WDR17: variants seen among roughly 807,000 people sequenced by gnomAD.
WDR17 encodes the protein WD repeat-containing protein 17.
WDR17 carries 143 observed loss-of-function variants against 161.7 expected under a neutral mutation model. The observed-to-expected ratio is 0.88, with a 90% confidence interval of 0.77 to 1.02. The LOEUF is 1.02. Among genes scored for constraint, WDR17 ranks in the 50% least tolerant of loss-of-function variants. The pLI is 0.00. For synonymous variants in WDR17, 517 were observed against 515.6 expected, an observed-to-expected ratio of 1.00 and a Z score of -0.04; for missense variants, 1,469 against 1,520.9, an observed-to-expected ratio of 0.97 and a Z score of 0.57.
chr4:176,094,023 TA>T (rs1167140137), intron 1 of WDR17, among the ~76,000 whole-genome samples: 1 of 152,178 alleles, frequency 6.6e-6, no homozygotes, highest in Non-Finnish European at 1.5e-5. Flanking sequence ...ACACTGGACT[TA>T]TAATAGTATA....
Position 176,174,738 on chromosome 4 carries a change from C to G in WDR17, c.3449+20C>G. On this transcript the variant is annotated intron_variant, in intron 26 of 28. Coordinates refer to ENST00000508596, the MANE Select transcript of WDR17 (RefSeq NM_181265.4). ...CACAAGGTAAAAAAGGTTTTTTCCT[C>G]CATCATGACATTAGAGCAATTTCTC... The G allele has an allele frequency of 2.0e-6, 3 of 1,535,474 alleles. No homozygotes were observed. The highest frequency in any genetic ancestry group is 2.7e-6 in the Non-Finnish European group (3 of 1,117,532).
chr4:176,103,317 T>C (rs577282941), intron 1 of WDR17, among the ~76,000 whole-genome samples: 1 of 151,552 alleles, frequency 6.6e-6, no homozygotes, highest in Non-Finnish European at 1.5e-5. Flanking sequence ...AAACAATAAA[T>C]AAAAACAAAA....
Position 176,160,088 on chromosome 4 carries a change from T to A in WDR17, c.2620T>A (p.Ser874Thr). The A allele has an allele frequency of 6.2e-7, 1 of 1,613,968 alleles. No homozygotes were observed. Among genetic ancestry groups the A allele is most frequent in the Non-Finnish European group, 8.5e-7 (1 of 1,179,906 alleles). Residue 874 changes from serine to threonine, a missense_variant, in exon 19 of 29, where the codon TCA becomes ACA. By Grantham distance (58) the Ser-to-Thr change is moderately conservative. Transcript: ENST00000508596. Reference sequence around the variant, plus strand: ...GAAAAAGCTAGTCCATTTTTTCATGTCAAGAGGTCAGCTTAAAGAAGCTCT... The same window carrying A: ...GAAAAAGCTAGTCCATTTTTTCATGACAAGAGGTCAGCTTAAAGAAGCTCT... ...DVKKLVHFFM[S>T]RGQLKEALLV... is the part of the protein sequence containing the mutation.
intron 8 of WDR17, among the ~76,000 whole-genome samples, chr4:176,136,438 T>G (rs750872674): frequency 4.6e-5 from 7 of 151,680 alleles, no homozygotes; most frequent in Admixed American, 1.3e-4. Flanking sequence ...ATAAAACTTA[T>G]GACTGTAAAA....
Position 176,150,065 on chromosome 4 carries a change from T to G in WDR17, c.2070T>G (p.Thr690=). The stretch of plus-strand genomic sequence containing the variant: ...CAGATTATGCTATAGAACCAGGCAC[T>G]CCTCCTCTACTGTGTGGTAAAGTGT... ...GNTDYAIEPG[T]PPLLCGKVSR... The change falls in exon 15 of 29, where the codon ACT becomes ACG. Residue 690 remains threonine, a synonymous_variant. Coordinates refer to ENST00000508596, the MANE Select transcript of WDR17 (RefSeq NM_181265.4). The G allele has an allele frequency of 6.2e-7, 1 of 1,613,940 alleles. No homozygotes were observed. Among genetic ancestry groups the G allele is most frequent in the South Asian group, 1.1e-5 (1 of 91,016 alleles).
At chr4:176,084,118 T>A (rs1735117056) in intron 1 of WDR17, among the ~76,000 whole-genome samples, 1 of 152,138 alleles carries the variant, frequency 6.6e-6, no homozygotes, top group East Asian at 1.9e-4. Flanking sequence ...TTTAACAATG[T>A]CTTGATGAAT....
chr4:176,096,622 A>AT (rs767342418), intron 1 of WDR17: 72 of 1,515,120 alleles, frequency 4.8e-5, no homozygotes, highest in Admixed American at 9.6e-5. Context: ...ATTTCCTGCG[A>AT]TTTTTTTTCT....
In WDR17 at chr4:176,125,107, A is replaced by G; in HGVS notation, c.542A>G (p.Asn181Ser). 6.2e-7 allele frequency: 1 copy of G among 1,613,834 alleles called. No homozygotes were observed. Among genetic ancestry groups the G allele is most frequent in the Non-Finnish European group, 8.5e-7 (1 of 1,179,884 alleles). ...DGSLSIFHPGNKNQKHVLRPE... is the reference protein window; with the variant it reads ...DGSLSIFHPGSKNQKHVLRPE... ...AATTATCTCTGTATTTTAACAGGTA[A>G]TAAAAATCAGAAACATGTTTTGAGA... The change falls in exon 5 of 29, where the codon AAT becomes AGT. Residue 181 changes from asparagine (N) to serine (S), a missense_variant. Physicochemically the swap from Asn to Ser is conservative, Grantham distance 46. Coordinates refer to ENST00000508596, the MANE Select transcript of WDR17 (RefSeq NM_181265.4).
rs372349040 is a variant in WDR17, at chr4:176,156,345, C to T, written c.2525+202C>T. 3.9e-5 allele frequency among the ~76,000 whole-genome samples: 6 copies of T among 152,226 alleles called. No individual in the cohort carries two copies. The East Asian group carries it at 1.2e-3, about 29-fold the overall frequency. On this transcript the variant is annotated intron_variant, in intron 18 of 28. Coordinates refer to ENST00000508596, the MANE Select transcript of WDR17 (RefSeq NM_181265.4). The stretch of plus-strand genomic sequence containing the variant: ...GGTGTTCTTGGATTTGACTTGACCT[C>T]TGATGAAGATAGCAGAAGGCAAATT...
rs143354379 is a variant in WDR17 at position 176,078,685 on chromosome 4, T to C, written c.-7+12606T>C. Among the ~76,000 whole-genome samples, 603 of 152,254 alleles carry C rather than the reference T, an allele frequency of 4.0e-3. 6 individuals are homozygous for C. The highest frequency in any genetic ancestry group is 0.013 in the African/African-American group (555 of 41,572). On this transcript the variant is annotated intron_variant, in intron 1 of 28. Transcript: ENST00000508596. ...TTCAATTAAAATTATATTTTGCTGC[T>C]TATCTCTCCAATTCTACTCATATTT...
At chr4:176,105,041 T>A (rs1040863250) in intron 1 of WDR17, among the ~76,000 whole-genome samples, 6 of 151,476 alleles carry the variant, frequency 4.0e-5, no homozygotes, top group Admixed American at 6.6e-5. Context: ...ATGAAAAAAA[T>A]TTTTTCCATG....
chr4:176,107,927 TTTCC>T (rs147538001), intron 1 of WDR17, among the ~76,000 whole-genome samples: 45,240 of 145,684 alleles, frequency 0.31, 7,484 homozygotes, highest in East Asian at 0.41. Flanking sequence ...TTCTTCCTTT[TTTCC>T]TTCCTTCCTT....
chr4:176,094,147 C>A (rs1561087100), intron 1 of WDR17, among the ~76,000 whole-genome samples: 2 of 152,158 alleles, frequency 1.3e-5, no homozygotes, highest in African/African-American at 4.8e-5. Flanking sequence ...TGTTTAGCTG[C>A]TTCCCCACAA....
At position 176,120,366 on chromosome 4, in the gene WDR17, ATCAG is replaced by A. The variant is rs1321449603; in HGVS notation, c.538+273_538+276del. 1.9e-4 allele frequency among the ~76,000 whole-genome samples: 28 copies of A among 149,748 alleles called. No individual in the cohort carries two copies. In the Admixed American group the frequency reaches 1.9e-3, roughly 10 times the overall value. ...AATATTTTACTTGGAATTAACCTAAATCAGTCATTTTTCCCTTATTTGTATTTTT... is the reference window on the plus strand; with the variant it reads ...AATATTTTACTTGGAATTAACCTAAATCATTTTTCCCTTATTTGTATTTTT... On this transcript the variant is annotated intron_variant, in intron 4 of 28. Coordinates refer to ENST00000508596, the MANE Select transcript of WDR17 (RefSeq NM_181265.4).
intron 21 of WDR17, among the ~76,000 whole-genome samples, 163 bp downstream of exon 21, chr4:176,162,337 A>G (rs1749157695): frequency 6.6e-6 from 1 of 152,194 alleles, no homozygotes; most frequent in Admixed American, 6.6e-5. Context: ...CACATAAACT[A>G]TGAGCTCTTG....
intron 10 of WDR17, among the ~76,000 whole-genome samples, 196 bp from the exon 11 acceptor site, chr4:176,141,787 A>G (rs111515720): frequency 5.3e-5 from 8 of 152,340 alleles, no homozygotes; most frequent in African/African-American, 1.4e-4. Flanking sequence ...GTAGGTTACC[A>G]TAATTAATAT....
chr4:176,170,419 G>A (rs1393248262), intron 23 of WDR17, among the ~76,000 whole-genome samples: 1 of 150,928 alleles, frequency 6.6e-6, no homozygotes, highest in Admixed American at 6.6e-5. Flanking sequence ...GGGTTCAAGC[G>A]ATTCTCCTGC....
chr4:176,111,674 T>G lies in WDR17; in HGVS notation c.94T>G (p.Cys32Gly), dbSNP rs1739769285. Residue 32 changes from cysteine (C) to glycine (G), a missense_variant, in exon 2 of 29, where the codon TGT becomes GGT. By Grantham distance (159) the Cys-to-Gly change is radical. Coordinates refer to ENST00000508596, the MANE Select transcript of WDR17 (RefSeq NM_181265.4). Reference sequence around the variant, plus strand: ...TGCCAGTGGAGACAGGTTTGCATATTGTGCGACCCTGGCTATCTATATTTA... The same window carrying G: ...TGCCAGTGGAGACAGGTTTGCATATGGTGCGACCCTGGCTATCTATATTTA... ...CAASGDRFAY[C>G]ATLAIYIYQL... The G allele has an allele frequency of 3.1e-6, 5 of 1,604,552 alleles. No homozygotes were observed. The highest frequency in any genetic ancestry group is 4.3e-6 in the Non-Finnish European group (5 of 1,174,220).
chr4:176,119,563 C>T (rs1270583724), intron 3 of WDR17, among the ~76,000 whole-genome samples: 6 of 152,038 alleles, frequency 3.9e-5, no homozygotes, highest in Non-Finnish European at 2.9e-5. Context: ...GAATGTATTG[C>T]TCTAATCTTT....
Sources: gnomAD v4.1 joint callset for allele counts (sites outside exome capture counted in the v4.1 genomes callset) on GRCh38, gnomAD v4.1.1 for gene constraint, MANE v1.5 for transcripts, NCBI Gene and HGNC (gene_info 2026-07-23, HGNC 2026-07-21) for gene names.